SOAT2: variants seen among roughly 807,000 people sequenced by gnomAD.
SOAT2 encodes sterol O-acyltransferase 2.
In SOAT2, 87 loss-of-function variants were observed where a neutral mutation model predicts 76.0. The ratio of observed to expected loss-of-function variants is 1.14; its 90% CI spans 0.96 to 1.37. SOAT2 has a LOEUF of 1.37. Ranked by LOEUF, SOAT2 falls within the 40% of genes most tolerant of loss-of-function variation. The pLI is 0.00. For synonymous variants in SOAT2, 285 were observed against 275.4 expected, an observed-to-expected ratio of 1.03 and a Z score of -0.34; for missense variants, 686 against 682.1, an observed-to-expected ratio of 1.01 and a Z score of -0.06.
In SOAT2 at chr12:53,104,212, G is replaced by T. The variant is rs753250921; in HGVS notation, c.138+6G>T. The T allele has an allele frequency of 3.2e-5, 51 of 1,611,188 alleles. No homozygotes were observed. The highest frequency in any genetic ancestry group is 3.8e-5 in the Non-Finnish European group (45 of 1,177,760). ...AATGGACCCGACACATGGAGGTGAG[G>T]GATGTCAGAGGTCAGAGGTCAAGTG... On this transcript the variant is annotated splice_donor_region_variant and intron_variant, in intron 2 of 14. Coordinates refer to ENST00000301466, the MANE Select transcript of SOAT2 (RefSeq NM_003578.4).
intron 5 of SOAT2, 85 bp downstream of exon 5, chr12:53,106,099 G>T: frequency 1.2e-6 from 1 of 863,108 alleles, no homozygotes. Flanking sequence ...CTTGGGGCAA[G>T]AGGACACAGG....
chr12:53,108,456 T>C (rs1937968530), intron 5 of SOAT2, among the ~76,000 whole-genome samples: 2 of 152,196 alleles, frequency 1.3e-5, no homozygotes, highest in African/African-American at 4.8e-5. Context: ...TAACTAATAT[T>C]GCAAATAGTT....
In SOAT2 at chr12:53,120,773, C is replaced by A. The variant is rs375606159; in HGVS notation, c.1040-13C>A. 105 of 1,606,204 alleles carry A rather than the reference C, an allele frequency of 6.5e-5. No individual in the cohort carries two copies. Among genetic ancestry groups the A allele is most frequent in the Non-Finnish European group, 8.4e-5 (99 of 1,172,966 alleles). On this transcript the variant is annotated splice_polypyrimidine_tract_variant and intron_variant, in intron 10 of 14. Transcript: ENST00000301466. ...GCCAGCCTGACCTGCAGCCTCTTGT[C>A]CCCAACCACCAGGCATCTTCATGCT...
At chr12:53,113,549 G>A (rs1253572998) in intron 5 of SOAT2, among the ~76,000 whole-genome samples, 1 of 152,180 alleles carries the variant, frequency 6.6e-6, no homozygotes, top group Non-Finnish European at 1.5e-5. Flanking sequence ...TTTGTTCCCA[G>A]GTCAAACTGA....
At chr12:53,116,814 G>A (rs987161590) in intron 7 of SOAT2, among the ~76,000 whole-genome samples, 2 of 151,700 alleles carry the variant, frequency 1.3e-5, no homozygotes, top group African/African-American at 4.8e-5. Context: ...GCTGCAGTGA[G>A]CCATGACTAT....
chr12:53,116,139 GT>G lies in SOAT2; in HGVS notation c.752del (p.Val251GlyfsTer76). The G allele has an allele frequency of 6.2e-7, 1 of 1,614,206 alleles. No individual in the cohort carries two copies. The highest frequency in any genetic ancestry group is 8.5e-7 in the Non-Finnish European group (1 of 1,180,010). On this transcript the variant is annotated frameshift_variant, in exon 7 of 15. Transcript: ENST00000301466. LOFTEE classifies it high-confidence loss of function. ...AAGCTACTCCTTCCTGAGAGAGGCTGTGCCTGGGACCCTTCGTGCCAGACGA... is the reference window on the plus strand; with the variant it reads ...AAGCTACTCCTTCCTGAGAGAGGCTGGCCTGGGACCCTTCGTGCCAGACGA... The part of the protein sequence containing the change: ...MKSYSFLREA[V>X]PGTLRARRGE...
In SOAT2 at chr12:53,123,870, C is replaced by G. The variant is rs1390351247; in HGVS notation, c.1515C>G (p.Pro505=). The G allele has an allele frequency of 6.2e-7, 1 of 1,614,116 alleles. No homozygotes were observed. Among genetic ancestry groups the G allele is most frequent in the Admixed American group, 1.7e-5 (1 of 60,016 alleles). The change falls in exon 14 of 15, where the codon CCC becomes CCG. Residue 505 remains proline (P), a synonymous_variant. Transcript: ENST00000301466. ...ACGCACGGCGGCACTGCCCCTTACC[C>G]CAGGTAAGAGACCACAACCCTCATC... ...EWYARRHCPL[P]QATFWGLVTP... is the part of the protein sequence containing the mutation.
rs1937928653 is a variant in SOAT2 at position 53,105,969 on chromosome 12, T to G, written c.398T>G (p.Val133Gly). The change falls in exon 5 of 15, where the codon GTC becomes GGC. Residue 133 changes from valine to glycine, a missense_variant. Transcript: ENST00000301466. ...CACATGTTCATCGCTGGCCTGTGTG[T>G]CTTCATCATCAGCACCCTGGCCATC... ...IYHMFIAGLCVFIISTLAIDF... is the reference protein window; with the variant it reads ...IYHMFIAGLCGFIISTLAIDF... 6.2e-7 allele frequency: 1 copy of G among 1,614,030 alleles called. No homozygotes were observed. Among genetic ancestry groups the G allele is most frequent in the Non-Finnish European group, 8.5e-7 (1 of 1,179,958 alleles).
At position 53,124,134 on chromosome 12, in the gene SOAT2, A is replaced by G; in HGVS notation, c.*11A>G. The stretch of plus-strand genomic sequence containing the variant: ...TCCTGCCATACCTAGAGGTCGGGAC[A>G]GACGACGCTACCTGCCCAGACACCA... On this transcript the variant is annotated 3_prime_UTR_variant, in exon 15 of 15. Coordinates refer to ENST00000301466, the MANE Select transcript of SOAT2 (RefSeq NM_003578.4). 6.2e-7 allele frequency: 1 copy of G among 1,614,142 alleles called. No individual in the cohort carries two copies. The highest frequency in any genetic ancestry group is 8.5e-7 in the Non-Finnish European group (1 of 1,179,970).
chr12:53,118,799 C>A, intron 8 of SOAT2, 91 bp from the exon 9 acceptor site: 2 of 1,407,230 alleles, frequency 1.4e-6, no homozygotes, highest in Non-Finnish European at 2.0e-6. Context: ...ATTAAGGGAA[C>A]TGAGGAGAGA....
At chr12:53,109,704 T>G (rs1333911398) in intron 5 of SOAT2, among the ~76,000 whole-genome samples, 1 of 152,150 alleles carries the variant, frequency 6.6e-6, no homozygotes, top group African/African-American at 2.4e-5. Context: ...GCCAGGCTGG[T>G]CTTGAACTCC....
Position 53,118,350 on chromosome 12 carries a change from G to A in SOAT2, c.779G>A (p.Gly260Asp). 6.2e-7 allele frequency: 1 copy of A among 1,606,500 alleles called. No homozygotes were observed. Among genetic ancestry groups the A allele is most frequent in the Non-Finnish European group, 8.5e-7 (1 of 1,174,564 alleles). The change falls in exon 8 of 15, where the codon GGT becomes GAT. Residue 260 changes from glycine (G) to aspartate (D), a missense_variant and splice_region_variant. By Grantham distance (94) the Gly-to-Asp change is moderately conservative. Transcript: ENST00000301466. ...ATCCACCCCTCTCATTCCTCCCCAG[G>A]TGAGGGGATCCAGGCCCCCAGTTTC... ...AVPGTLRARRGEGIQAPSFSS... is the reference protein window; with the variant it reads ...AVPGTLRARRDEGIQAPSFSS...
intron 6 of SOAT2, 116 bp downstream of exon 6, chr12:53,115,770 G>T (rs560164423): frequency 1.3e-5 from 17 of 1,265,708 alleles, no homozygotes; most frequent in Non-Finnish European, 1.8e-5. Context: ...GCTGGAGAAG[G>T]CATTGGCAGG....
At chr12:53,114,740 G>C (rs1325125498) in intron 5 of SOAT2, among the ~76,000 whole-genome samples, 1 of 152,128 alleles carries the variant, frequency 6.6e-6, no homozygotes, top group African/African-American at 2.4e-5. Context: ...CAGTTTCTGA[G>C]TTTCCACCCA....
chr12:53,114,496 G>A (rs1334928798), intron 5 of SOAT2, among the ~76,000 whole-genome samples: 6 of 151,886 alleles, frequency 4.0e-5, no homozygotes, highest in Non-Finnish European at 7.4e-5. Flanking sequence ...CGAGGCAGGC[G>A]GATCACTTGA....
chr12:53,104,984 GGTT>G (rs1937907063), intron 2 of SOAT2, 120 bp from the exon 3 acceptor site: 3 of 1,086,034 alleles, frequency 2.8e-6, no homozygotes, highest in Admixed American at 2.8e-5. Context: ...TGACCCCCCA[GGTT>G]GTTTTTTTTT....
At chr12:53,116,258 C>T in intron 7 of SOAT2, 92 bp downstream of exon 7, 1 of 1,203,814 alleles carries the variant, frequency 8.3e-7, no homozygotes. Flanking sequence ...AAGTCCCTGC[C>T]TTCCTAAGCC....
chr12:53,117,262 A>ATTT (rs34151150), intron 7 of SOAT2, among the ~76,000 whole-genome samples: 16,587 of 108,782 alleles, frequency 0.15, 1,620 homozygotes, highest in East Asian at 0.25. Flanking sequence ...CGCCCGGCCA[A>ATTT]TTTTTTTTTT....
Position 53,123,117 on chromosome 12 carries a change from G to T in SOAT2, c.1273G>T (p.Gly425Cys). ...GARARGVAMLGVFLVSAVAHE... is the reference protein window; with the variant it reads ...GARARGVAMLCVFLVSAVAHE... ...CCGGGCCCGAGGGGTAGCCATGCTG[G>T]GTGTGTTCCTGGTCTCCGCAGTGGC... Residue 425 changes from glycine (G) to cysteine (C), a missense_variant, in exon 13 of 15, where the codon GGT becomes TGT. Coordinates refer to ENST00000301466, the MANE Select transcript of SOAT2 (RefSeq NM_003578.4). 1 of 1,613,852 alleles carries T rather than the reference G, an allele frequency of 6.2e-7. No homozygotes were observed. The highest frequency in any genetic ancestry group is 1.1e-5 in the South Asian group (1 of 91,040).
Sources: gnomAD v4.1 joint callset for allele counts (sites outside exome capture counted in the v4.1 genomes callset) on GRCh38, gnomAD v4.1.1 for gene constraint, MANE v1.5 for transcripts, NCBI Gene and HGNC (gene_info 2026-07-23, HGNC 2026-07-21) for gene names.